The following SV2C variants were observed in gnomAD, a reference collection of about 807,000 sequenced individuals.
SV2C encodes the protein solute carrier family 22 member B3.
Under a neutral mutation model 79.7 loss-of-function variants are expected in SV2C, and 49 were observed. The observed-to-expected ratio is 0.61, with a 90% confidence interval of 0.49 to 0.78. The LOEUF is 0.78. Ranked by LOEUF, SV2C falls within the 30% of genes least tolerant of loss-of-function variation. SV2C has a pLI of 0.00. For synonymous variants in SV2C, 334 were observed against 333.2 expected (o/e 1.00, Z -0.03); for missense variants, 833 against 912.9 (o/e 0.91, Z 1.13).
chr5:76,143,482 T>C (rs1561234862), intron 2 of SV2C, among the ~76,000 whole-genome samples: 1 of 152,156 alleles, frequency 6.6e-6, no homozygotes, highest in Non-Finnish European at 1.5e-5. Flanking sequence ...TGCAGGATGT[T>C]TACTAGCTGT....
chr5:76,335,731 G>T (rs1429171113), downstream of SV2C, among the ~76,000 whole-genome samples: 1 of 152,148 alleles, frequency 6.6e-6, no homozygotes, highest in Non-Finnish European at 1.5e-5. Context: ...AGAGCACAGG[G>T]TTGGGGGTAG....
chr5:75,943,896 G>A, the SV2C span, among the ~76,000 whole-genome samples: 1 of 152,152 alleles, frequency 6.6e-6, no homozygotes, highest in Admixed American at 6.5e-5. Context: ...ATTACTGCCA[G>A]AATAGTCTGT....
At chr5:76,187,433 C>T (rs765222005) in intron 2 of SV2C, among the ~76,000 whole-genome samples, 4 of 152,132 alleles carry the variant, frequency 2.6e-5, no homozygotes, top group Admixed American at 6.5e-5. Context: ...GACCAGCAAA[C>T]TTAAATGTCA....
the SV2C span, among the ~76,000 whole-genome samples, chr5:75,940,020 T>C: frequency 6.6e-6 from 1 of 152,170 alleles, no homozygotes; most frequent in Admixed American, 6.5e-5. Flanking sequence ...TCATTCCATG[T>C]TGAAATTATA....
chr5:75,902,188 G>A, the SV2C span, among the ~76,000 whole-genome samples: 2,744 of 152,302 alleles, frequency 0.018, 89 homozygotes, highest in African/African-American at 0.063. Flanking sequence ...TGTCGCTCAC[G>A]CTGGGAGCTG....
the SV2C span, among the ~76,000 whole-genome samples, chr5:75,883,984 T>G: frequency 6.6e-6 from 1 of 152,128 alleles, no homozygotes; most frequent in Non-Finnish European, 1.5e-5. Context: ...TATTTATTAG[T>G]CTGACAATTG....
the SV2C span, among the ~76,000 whole-genome samples, chr5:75,918,415 C>T: frequency 6.6e-6 from 1 of 152,174 alleles, no homozygotes; most frequent in South Asian, 2.1e-4. Flanking sequence ...ATTTTTATTT[C>T]AATGACAATT....
intron 4 of SV2C, among the ~76,000 whole-genome samples, chr5:76,258,325 G>C (rs1388817367): frequency 1.3e-5 from 2 of 152,072 alleles, no homozygotes; most frequent in Non-Finnish European, 2.9e-5. Context: ...ATGGGCAGGG[G>C]GCAACTGCCT....
At chr5:76,094,719 A>G (rs1408656681) in intron 1 of SV2C, among the ~76,000 whole-genome samples, 1 of 152,082 alleles carries the variant, frequency 6.6e-6, no homozygotes, top group East Asian at 1.9e-4. Flanking sequence ...TTTTCTGCAT[A>G]CCACACCTTC....
chr5:75,883,524 C>T, the SV2C span, among the ~76,000 whole-genome samples: 1 of 145,806 alleles, frequency 6.9e-6, no homozygotes, highest in Non-Finnish European at 1.5e-5. Flanking sequence ...ATGATGAGTT[C>T]ATGTCCTTTG....
chr5:76,289,222 C>T (rs753203047), intron 6 of SV2C, among the ~76,000 whole-genome samples: 5 of 152,094 alleles, frequency 3.3e-5, no homozygotes, highest in South Asian at 4.1e-4. Context: ...TCTTAGTGTG[C>T]CCTTACCTTA....
At chr5:76,312,851 GCCAT>G (rs1279513872) in intron 12 of SV2C, among the ~76,000 whole-genome samples, 1 of 152,222 alleles carries the variant, frequency 6.6e-6, no homozygotes, top group East Asian at 1.9e-4. Flanking sequence ...GGCAGCTGCT[GCCAT>G]CACCCAGTGC....
chr5:75,969,414 GTATTCAGGAAACCCATTTCAC>G, the SV2C span, among the ~76,000 whole-genome samples: 1 of 152,118 alleles, frequency 6.6e-6, no homozygotes, highest in Non-Finnish European at 1.5e-5. Flanking sequence ...TAAGTGTGCT[GTATTCAGGAAACCCATTTCAC>G]ATGCAGAGAC....
the SV2C span, among the ~76,000 whole-genome samples, chr5:76,052,385 C>T: frequency 6.6e-6 from 1 of 152,226 alleles, no homozygotes; most frequent in Admixed American, 6.5e-5. Flanking sequence ...TCATGATGGG[C>T]AGGCTATAAC....
At chr5:75,986,853 T>A in the SV2C span, among the ~76,000 whole-genome samples, 2 of 152,012 alleles carry the variant, frequency 1.3e-5, no homozygotes, top group African/African-American at 4.8e-5. Flanking sequence ...CAGATAGAGA[T>A]ACTGTCTCCC....
chr5:76,166,166 C>T lies in SV2C; in HGVS notation c.581-28753C>T, dbSNP rs186283342. The stretch of plus-strand genomic sequence containing the variant: ...TGCCCAGAATAGAAATAAAGATACC[C>T]CGTGGTCAAAAGTTTTATGCATTTT... On this transcript the variant is annotated intron_variant, in intron 2 of 12. Coordinates refer to ENST00000502798, the MANE Select transcript of SV2C (RefSeq NM_014979.4). Among the ~76,000 whole-genome samples the T allele has an allele frequency of 5.7e-3, 865 of 152,182 alleles. 3 individuals are homozygous for T. The highest frequency in any genetic ancestry group is 0.027 in the Middle Eastern group (8 of 294).
At chr5:75,857,018 G>A in the SV2C span, among the ~76,000 whole-genome samples, 3 of 147,014 alleles carry the variant, frequency 2.0e-5, no homozygotes, top group Non-Finnish European at 4.5e-5. Context: ...GTGCAGTGGT[G>A]CAATCTTGGG....
intron 12 of SV2C, among the ~76,000 whole-genome samples, chr5:76,347,117 C>T (rs1315307656): frequency 1.9e-5 from 2 of 102,740 alleles, no homozygotes; most frequent in Admixed American, 8.5e-5. Flanking sequence ...GAAAGCTGAG[C>T]TGTGATGGAG....
chr5:76,210,099 A>G (rs544977398), intron 4 of SV2C, among the ~76,000 whole-genome samples: 124 of 152,282 alleles, frequency 8.1e-4, no homozygotes, highest in African/African-American at 3.0e-3. Flanking sequence ...TATGAATGTA[A>G]TGGGGGGAAA....
Sources: allele counts gnomAD v4.1 joint callset (sites outside exome capture counted in the v4.1 genomes callset), GRCh38; gene constraint gnomAD v4.1.1; transcripts MANE v1.5; gene names NCBI Gene and HGNC (gene_info 2026-07-23, HGNC 2026-07-21).